Variants in SPHK2 observed in about 807,000 individuals in gnomAD.
SPHK2 encodes sphingosine kinase 2.
A neutral mutation model predicts 32.3 loss-of-function variants in SPHK2; 18 were observed. The observed-to-expected ratio is 0.56, with a 90% CI of 0.39 to 0.83. SPHK2 has a LOEUF of 0.83. Ranked by LOEUF, SPHK2 falls within the 40% of genes least tolerant of loss-of-function variation. SPHK2 has a pLI of 0.00. For missense variants in SPHK2, 850 were observed against 908.7 expected, an observed-to-expected ratio of 0.94 and a Z score of 0.83; for synonymous variants, 462 against 417.6, an observed-to-expected ratio of 1.11 and a Z score of -1.30.
rs1350702750 is a variant in SPHK2, at chr19:48,628,678, A to G, written c.873-3A>G. 3 of 1,608,696 alleles carry G rather than the reference A, an allele frequency of 1.9e-6. No individual in the cohort carries two copies. Among genetic ancestry groups the G allele is most frequent in the Non-Finnish European group, 2.5e-6 (3 of 1,178,566 alleles). On this transcript the variant is annotated splice_polypyrimidine_tract_variant and splice_region_variant and intron_variant, in intron 6 of 6. Transcript: ENST00000245222. This position sits in a 1 kb window ranked among gnomAD's most constrained non-coding sequence, Gnocchi z 5.2. ...GTGTGTCCGTCCATCTCCGGCTGTG[A>G]AGATTTGAGCCAGCCCTGGGCCTCG...
At chr19:48,625,113 T>TGTCTCTTATACACATCTGACGC in intron 2 of SPHK2, 1 of 997,876 alleles carries the variant, frequency 1.0e-6, no homozygotes, top group South Asian at 4.3e-5. Flanking sequence ...CCCCTGCCCC[T>TGTCTCTTATACACATCTGACGC]TGCAGGCGCT....
chr19:48,629,221 G>C lies in SPHK2; in HGVS notation c.1413G>C (p.Leu471=), dbSNP rs750869945. ...CTCCGCTGTCCCCGGACCCACTGCT[G>C]TCTTCACCTCCTGGCTCTCCCAAGG... ...GDAPLSPDPL[L]SSPPGSPKAA... Residue 471 remains leucine (L), a synonymous_variant, in exon 7 of 7, where the codon CTG becomes CTC. Transcript: ENST00000245222. 1 of 1,613,646 alleles carries C rather than the reference G, an allele frequency of 6.2e-7. No individual in the cohort carries two copies. Among genetic ancestry groups the C allele is most frequent in the South Asian group, 1.1e-5 (1 of 91,082 alleles).
Position 48,629,182 on chromosome 19 carries a change from T to A in SPHK2, c.1374T>A (p.Gly458=), listed in dbSNP as rs2147700299. The A allele has an allele frequency of 6.2e-7, 1 of 1,613,182 alleles. No homozygotes were observed. The highest frequency in any genetic ancestry group is 8.5e-7 in the Non-Finnish European group (1 of 1,179,930). The part of the protein sequence containing the change: ...GGGPELAGDW[G]GAGDAPLSPD... ...GCCCAGAGCTGGCTGGGGACTGGGGTGGGGCTGGGGATGCTCCGCTGTCCC... is the reference window on the plus strand; with the variant it reads ...GCCCAGAGCTGGCTGGGGACTGGGGAGGGGCTGGGGATGCTCCGCTGTCCC... The change falls in exon 7 of 7, where the codon GGT becomes GGA. Residue 458 remains glycine, a synonymous_variant. Coordinates refer to ENST00000245222, the MANE Select transcript of SPHK2 (RefSeq NM_020126.5).
At position 48,629,524 on chromosome 19, in the gene SPHK2, T is replaced by C. The variant is rs760243484; in HGVS notation, c.1716T>C (p.Arg572=). The change falls in exon 7 of 7, where the codon CGT becomes CGC. Residue 572 remains arginine, a synonymous_variant. Transcript: ENST00000245222. ...DDGLVHLCWV[R]SGISRAALLR... ...GCCTGGTGCACCTGTGCTGGGTGCG[T>C]AGCGGCATCTCGCGGGCTGCGCTGC... is the stretch of plus-strand genomic sequence containing the variant. 21 of 1,605,996 alleles carry C rather than the reference T, an allele frequency of 1.3e-5. No homozygotes were observed. The East Asian group carries it at 3.1e-4, about 24-fold the overall frequency.
chr19:48,627,686 C>A lies in SPHK2; in HGVS notation c.512-6C>A, dbSNP rs2030037133. 1 of 1,581,098 alleles carries A rather than the reference C, an allele frequency of 6.3e-7. No homozygotes were observed. The highest frequency in any genetic ancestry group is 8.6e-7 in the Non-Finnish European group (1 of 1,163,332). On this transcript the variant is annotated splice_polypyrimidine_tract_variant and splice_region_variant and intron_variant, in intron 3 of 6. Transcript: ENST00000245222. The stretch of plus-strand genomic sequence containing the variant: ...GGCCTCTGCAGACCCTAACCTCTCT[C>A]CACAGAGATCACCCCTGACCTGCTA...
Position 48,629,979 on chromosome 19 carries a change from G to C in SPHK2, c.*206G>C. On this transcript the variant is annotated 3_prime_UTR_variant, in exon 7 of 7. Coordinates refer to ENST00000245222, the MANE Select transcript of SPHK2 (RefSeq NM_020126.5). ...AAAGAGAAATGGGCTCGTCCCGAGG[G>C]TAGTGCCTGATCAATGAGGGCGGGG... 7.1e-7 allele frequency: 1 copy of C among 1,401,788 alleles called. No individual in the cohort carries two copies. Among genetic ancestry groups the C allele is most frequent in the African/African-American group, 1.4e-5 (1 of 69,396 alleles). The allele number at this position is 1,401,788 out of a possible 1,614,324, so 86.8% of individuals were successfully genotyped here. A position where few individuals can be genotyped will look rare whatever the true frequency, so the allele number is the denominator to read the frequency against.
chr19:48,626,207 C>T lies in SPHK2; in HGVS notation c.356C>T (p.Thr119Ile), dbSNP rs1307816773. 3.8e-6 allele frequency: 6 copies of T among 1,596,262 alleles called. No homozygotes were observed. The highest frequency in any genetic ancestry group is 1.7e-5 in the Admixed American group (1 of 58,470). Residue 119 changes from threonine to isoleucine, a missense_variant, in exon 3 of 7, where the codon ACC becomes ATC. This residue lies in a region of SPHK2 where 544 missense variants were observed against 640.0 expected (regional missense o/e 0.85). Transcript: ENST00000245222. ...SDSAAYFCIYTYPRGRRGARR... is the reference protein window; with the variant it reads ...SDSAAYFCIYIYPRGRRGARR... Reference sequence around the variant, plus strand: ...TCAGCGGCCTACTTCTGCATCTACACCTACCCTCGGGGCCGGCGCGGGGCC... The same window carrying T: ...TCAGCGGCCTACTTCTGCATCTACATCTACCCTCGGGGCCGGCGCGGGGCC...
At chr19:48,625,856 T>C (rs1332266464) in intron 2 of SPHK2, 35 bp from the exon 3 acceptor site, 3 of 1,601,472 alleles carry the variant, frequency 1.9e-6, no homozygotes, top group Middle Eastern at 1.6e-4. Flanking sequence ...CATGGGGTCC[T>C]GAATTCTCAC....
Position 48,629,153 on chromosome 19 carries a change from GGGGGC to G in SPHK2, c.1346_1350del (p.Gly449AlafsTer55). The G allele has an allele frequency of 6.2e-7, 1 of 1,613,394 alleles. No homozygotes were observed. Among genetic ancestry groups the G allele is most frequent in the Non-Finnish European group, 8.5e-7 (1 of 1,179,902 alleles). ...CCTGCCCATCCTGTCCCTCAACGGT[GGGGGC>G]CCAGAGCTGGCTGGGGACTGGGGTG... is the stretch of plus-strand genomic sequence containing the variant. On this transcript the variant is annotated frameshift_variant, in exon 7 of 7. Coordinates refer to ENST00000245222, the MANE Select transcript of SPHK2 (RefSeq NM_020126.5). LOFTEE classifies it low-confidence loss of function (END_TRUNC).
At position 48,628,907 on chromosome 19, in the gene SPHK2, G is replaced by T; in HGVS notation, c.1099G>T (p.Ala367Ser). 6.2e-7 allele frequency: 1 copy of T among 1,613,396 alleles called. No homozygotes were observed. The highest frequency in any genetic ancestry group is 8.5e-7 in the Non-Finnish European group (1 of 1,179,988). ...RFTLGTVLGL[A>S]TLHTYRGRLS... The stretch of plus-strand genomic sequence containing the variant: ...CACACTGGGCACGGTGCTGGGCCTC[G>T]CCACACTGCACACCTACCGCGGACG... Residue 367 changes from alanine (A) to serine (S), a missense_variant, in exon 7 of 7, where the codon GCC becomes TCC. Physicochemically the swap from Ala to Ser is moderately conservative, Grantham distance 99. Around this residue, in one of 2 missense-constraint regions of SPHK2, gnomAD observed 544 missense variants for 640.0 expected, o/e 0.85. Coordinates refer to ENST00000245222, the MANE Select transcript of SPHK2 (RefSeq NM_020126.5). This position sits in a 1 kb window ranked among gnomAD's most constrained non-coding sequence, Gnocchi z 5.2.
chr19:48,626,011 G>A lies in SPHK2; in HGVS notation c.160G>A (p.Glu54Lys), dbSNP rs757514813. ...TGCCAGCACCCCGCTCCTCCATGGC[G>A]AGTTTGGCTCCTACCCAGCCCGAGG... Reference protein sequence around the residue: ...LAASTPLLHGEFGSYPARGPR... With the variant: ...LAASTPLLHGKFGSYPARGPR... The change falls in exon 3 of 7, where the codon GAG (glutamate) becomes AAG (lysine). Residue 54 changes from glutamate (E) to lysine (K), a missense_variant. Transcript: ENST00000245222. 3 of 1,613,424 alleles carry A rather than the reference G, an allele frequency of 1.9e-6. No homozygotes were observed. Among genetic ancestry groups the A allele is most frequent in the Non-Finnish European group, 2.5e-6 (3 of 1,179,912 alleles).
chr19:48,622,758 T>C (rs899888237), intron 2 of SPHK2, among the ~76,000 whole-genome samples: 2 of 107,284 alleles, frequency 1.9e-5, no homozygotes, highest in African/African-American at 6.8e-5. Flanking sequence ...TTTGTCTCTC[T>C]TTTTTTTTTT....
At position 48,629,284 on chromosome 19, in the gene SPHK2, A is replaced by C. The variant is rs559336134; in HGVS notation, c.1476A>C (p.Val492=). The C allele has an allele frequency of 1.6e-5, 26 of 1,613,418 alleles. No individual in the cohort carries two copies. The African/African-American group carries it at 3.2e-4, about 20-fold the overall frequency. ...LHSPVSEGAP[V]IPPSSGLPLP... Reference sequence around the variant, plus strand: ...CACCCGTCTCCGAAGGGGCCCCCGTAATTCCCCCATCCTCTGGGCTCCCAC... The same window carrying C: ...CACCCGTCTCCGAAGGGGCCCCCGTCATTCCCCCATCCTCTGGGCTCCCAC... The change falls in exon 7 of 7, where the codon GTA becomes GTC. Residue 492 remains valine, a synonymous_variant. Transcript: ENST00000245222.
intron 2 of SPHK2, chr19:48,624,211 C>G (rs557609898): frequency 1.3e-5 from 2 of 152,382 alleles, no homozygotes; most frequent in South Asian, 2.1e-4. Flanking sequence ...GCCAGTCTCC[C>G]GAAGCGCGAG....
chr19:48,627,271 G>A (rs896181755), intron 3 of SPHK2, among the ~76,000 whole-genome samples: 1 of 152,252 alleles, frequency 6.6e-6, no homozygotes, highest in African/African-American at 2.4e-5. Flanking sequence ...ACCCAGGGTG[G>A]TGAGAGCAGC....
Position 48,630,192 on chromosome 19 carries a change from C to G in SPHK2, c.*419C>G. The G allele has an allele frequency of 8.0e-7, 1 of 1,255,728 alleles. No individual in the cohort carries two copies. Among genetic ancestry groups the G allele is most frequent in the Non-Finnish European group, 1.0e-6 (1 of 999,258 alleles). 77.8% of individuals were successfully genotyped at this position (1,255,728 alleles called of 1,614,324 possible). On this transcript the variant is annotated 3_prime_UTR_variant, in exon 7 of 7. Coordinates refer to ENST00000245222, the MANE Select transcript of SPHK2 (RefSeq NM_020126.5). This position sits in a 1 kb window ranked among gnomAD's most constrained non-coding sequence, Gnocchi z 4.9. Reference sequence around the variant, plus strand: ...CCGGTCAGGGCCCGCAGCCTCGCCCCATCCACTCCGGTGCCTCCATTTAGC... The same window carrying G: ...CCGGTCAGGGCCCGCAGCCTCGCCCGATCCACTCCGGTGCCTCCATTTAGC...
chr19:48,626,001 C>T lies in SPHK2; in HGVS notation c.150C>T (p.Leu50=), dbSNP rs1333501356. 5.6e-6 allele frequency: 9 copies of T among 1,613,400 alleles called. No homozygotes were observed. Among genetic ancestry groups the T allele is most frequent in the Non-Finnish European group, 7.6e-6 (9 of 1,179,916 alleles). ...PPPPLAASTP[L]LHGEFGSYPA... ...CGCCACTGGCTGCCAGCACCCCGCT[C>T]CTCCATGGCGAGTTTGGCTCCTACC... Residue 50 remains leucine (L), a synonymous_variant, in exon 3 of 7, where the codon CTC becomes CTT. Coordinates refer to ENST00000245222, the MANE Select transcript of SPHK2 (RefSeq NM_020126.5).
rs1974602571 is a variant in SPHK2, at chr19:48,626,026, C to T, written c.175C>T (p.Pro59Ser). ...PLLHGEFGSYPARGPRFALTL... is the reference protein window; with the variant it reads ...PLLHGEFGSYSARGPRFALTL... Reference sequence around the variant, plus strand: ...CCTCCATGGCGAGTTTGGCTCCTACCCAGCCCGAGGCCCACGCTTTGCCCT... The same window carrying T: ...CCTCCATGGCGAGTTTGGCTCCTACTCAGCCCGAGGCCCACGCTTTGCCCT... Residue 59 changes from proline to serine, a missense_variant, in exon 3 of 7, where the codon CCA (proline) becomes TCA (serine). Around this residue, in one of 2 missense-constraint regions of SPHK2, gnomAD observed 544 missense variants for 640.0 expected, o/e 0.85. Coordinates refer to ENST00000245222, the MANE Select transcript of SPHK2 (RefSeq NM_020126.5). The T allele has an allele frequency of 6.2e-7, 1 of 1,613,510 alleles. No homozygotes were observed. Among genetic ancestry groups the T allele is most frequent in the South Asian group, 1.1e-5 (1 of 91,086 alleles).
chr19:48,625,793 C>T (rs1178530254), intron 2 of SPHK2, 98 bp from the exon 3 acceptor site: 2 of 1,539,606 alleles, frequency 1.3e-6, no homozygotes, highest in African/African-American at 1.4e-5. Flanking sequence ...TCACCTGCCA[C>T]TGCCCCTCAT....
Sources: gnomAD v4.1 joint callset for allele counts (sites outside exome capture counted in the v4.1 genomes callset) on GRCh38, gnomAD v4.1.1 for gene constraint, gnomAD v4.1.1 regional missense constraint, Gnocchi (gnomAD v3.1) non-coding constraint, MANE v1.5 for transcripts, NCBI Gene and HGNC (gene_info 2026-07-23, HGNC 2026-07-21) for gene names.